Variants in KLK11 observed in about 807,000 individuals in gnomAD.
KLK11 encodes the protein kallikrein related peptidase 11.
A neutral mutation model predicts 23.4 loss-of-function variants in KLK11; 10 were observed. That is an observed-to-expected ratio of 0.43 (90% CI 0.26 to 0.73). The LOEUF (loss-of-function observed/expected upper bound fraction) is 0.73. KLK11 is among the 30% of genes least tolerant of loss of function. The pLI is 0.22. For synonymous variants in KLK11, 131 were observed against 131.7 expected, an observed-to-expected ratio of 0.99 and a Z score of 0.03; for missense variants, 285 against 327.8, an observed-to-expected ratio of 0.87 and a Z score of 1.01.
Position 51,025,678 on chromosome 19 carries a change from G to C in KLK11, c.-35-12C>G. 1 of 1,488,902 alleles carries C rather than the reference G, an allele frequency of 6.7e-7. No homozygotes were observed. The highest frequency in any genetic ancestry group is 9.1e-7 in the Non-Finnish European group (1 of 1,095,790). The allele number at this position is 1,488,902 out of a possible 1,614,324, so 92.2% of individuals were successfully genotyped here. On this transcript the variant is annotated splice_polypyrimidine_tract_variant and intron_variant, in intron 1 of 5. Coordinates refer to ENST00000453757, the MANE Select transcript of KLK11 (RefSeq NM_001136032.3). This position sits in a 1 kb window ranked among gnomAD's most constrained non-coding sequence, Gnocchi z 6.2. The stretch of plus-strand genomic sequence containing the variant: ...GGCCCCAGGTTCCTCTGGGAACAAG[G>C]AGGGACATGGGGCCGCATCACTTTA...
intron 1 of KLK11, among the ~76,000 whole-genome samples, chr19:51,026,308 G>C (rs182003984): frequency 6.6e-6 from 1 of 151,936 alleles, no homozygotes; most frequent in Non-Finnish European, 1.5e-5. Flanking sequence ...CCTGGCCAGC[G>C]GGGGTGGGAG....
chr19:51,024,175 G>C lies in KLK11; in HGVS notation c.333C>G (p.Ile111Met). ...CTGGCGATGCCATCTTCACCAGCAT[G>C]ATGTCATTGCGGTGGTCTTTGTTGG... ...SLPNKDHRND[I>M]MLVKMASPVS... The change falls in exon 4 of 6, where the codon ATC (isoleucine) becomes ATG (methionine). Residue 111 changes from isoleucine to methionine, a missense_variant. Ile to Met is a conservative substitution (Grantham distance 10). Coordinates refer to ENST00000453757, the MANE Select transcript of KLK11 (RefSeq NM_001136032.3). The surrounding 1 kb of genome is among the most constrained non-coding windows in gnomAD (Gnocchi z 6.2). The C allele has an allele frequency of 6.2e-7, 1 of 1,614,050 alleles. No individual in the cohort carries two copies. Among genetic ancestry groups the C allele is most frequent in the Non-Finnish European group, 8.5e-7 (1 of 1,179,974 alleles).
In KLK11 at chr19:51,025,616, A is replaced by T; in HGVS notation, c.16T>A (p.Leu6Ile). 1 of 1,589,788 alleles carries T rather than the reference A, an allele frequency of 6.3e-7. No individual in the cohort carries two copies. The highest frequency in any genetic ancestry group is 8.6e-7 in the Non-Finnish European group (1 of 1,167,952). The change falls in exon 2 of 6, where the codon TTA (leucine) becomes ATA (isoleucine). Residue 6 changes from leucine (L) to isoleucine (I), a missense_variant. By Grantham distance (5) the Leu-to-Ile change is conservative. Transcript: ENST00000453757. This position sits in a 1 kb window ranked among gnomAD's most constrained non-coding sequence, Gnocchi z 6.2. ...CCTGTTGCCAGAGCAAGCAGGATTAACTGCAGAATCCTCATGGCCTGGAGG... is the reference window on the plus strand; with the variant it reads ...CCTGTTGCCAGAGCAAGCAGGATTATCTGCAGAATCCTCATGGCCTGGAGG... MRILQ[L>I]ILLALATGLV...
In KLK11 at chr19:51,023,242, G is replaced by C; in HGVS notation, c.464-14C>G. 6.2e-7 allele frequency: 1 copy of C among 1,610,056 alleles called. No homozygotes were observed. Among genetic ancestry groups the C allele is most frequent in the Non-Finnish European group, 8.5e-7 (1 of 1,178,926 alleles). ...GAGGCAGGCGTACTGTGGAAACAGC[G>C]TGAGGGGCTGTGGGAATGAGCCCCC... is the stretch of plus-strand genomic sequence containing the variant. On this transcript the variant is annotated splice_polypyrimidine_tract_variant and intron_variant, in intron 4 of 5. Transcript: ENST00000453757.
chr19:51,027,226 G>T (rs963166043), upstream of KLK11: 9 of 524,530 alleles, frequency 1.7e-5, no homozygotes, highest in African/African-American at 3.9e-5. Flanking sequence ...TGCAAGGAGA[G>T]GGGGGGTGTG....
rs149689317 is a variant in KLK11, at chr19:51,023,182, C to T, written c.510G>A (p.Glu170=). ...TLRCANITII[E]HQKCENAYPG... is the part of the protein sequence containing the mutation. ...GGTAGGCGTTCTCACACTTCTGGTG[C>T]TCAATGATGGTGATGTTGGCGCATC... The change falls in exon 5 of 6, where the codon GAG becomes GAA. Residue 170 remains glutamate, a synonymous_variant. Transcript: ENST00000453757. 2,213 of 1,613,622 alleles carry T rather than the reference C, an allele frequency of 1.4e-3. 2 individuals carry two copies. The highest frequency in any genetic ancestry group is 1.8e-3 in the Non-Finnish European group (2,106 of 1,179,934).
In KLK11 at chr19:51,024,300, C is replaced by T. The variant is rs1390730764; in HGVS notation, c.208G>A (p.Val70Ile). The T allele has an allele frequency of 6.2e-7, 1 of 1,613,822 alleles. No individual in the cohort carries two copies. Among genetic ancestry groups the T allele is most frequent in the South Asian group, 1.1e-5 (1 of 91,048 alleles). ...TGGAGGTTGTGCTGCCCCAGGTGAA[C>T]TATGTAGCGGCTGAGGTGGGAGAGA... ...AAHCLKPRYI[V>I]HLGQHNLQKE... The change falls in exon 4 of 6, where the codon GTT becomes ATT. Residue 70 changes from valine to isoleucine, a missense_variant. Transcript: ENST00000453757. The surrounding 1 kb of genome is among the most constrained non-coding windows in gnomAD (Gnocchi z 6.2).
At position 51,025,535 on chromosome 19, in the gene KLK11, A is replaced by T; in HGVS notation, c.40+57T>A. The T allele has an allele frequency of 8.5e-7, 1 of 1,176,036 alleles. No homozygotes were observed. Among genetic ancestry groups the T allele is most frequent in the Admixed American group, 2.4e-5 (1 of 41,274 alleles). 72.9% of individuals were successfully genotyped at this position (1,176,036 alleles called of 1,614,324 possible). A position where few individuals can be genotyped will look rare whatever the true frequency, so the allele number is the denominator to read the frequency against. ...TGTCACTGTCCAGACACAGAGGGTTAGGGGATCCCAGAGATTCAAGAGGGA... is the reference window on the plus strand; with the variant it reads ...TGTCACTGTCCAGACACAGAGGGTTTGGGGATCCCAGAGATTCAAGAGGGA... On this transcript the variant is annotated intron_variant, in intron 2 of 5. Coordinates refer to ENST00000453757, the MANE Select transcript of KLK11 (RefSeq NM_001136032.3). The surrounding 1 kb of genome is among the most constrained non-coding windows in gnomAD (Gnocchi z 6.2).
intron 5 of KLK11, 126 bp downstream of exon 5, chr19:51,022,966 G>C: frequency 9.1e-7 from 1 of 1,097,970 alleles, no homozygotes; most frequent in Non-Finnish European, 1.3e-6. Context: ...ACGGGAACAG[G>C]GGAAGAGATG....
In KLK11 at chr19:51,024,943, G is replaced by T; in HGVS notation, c.41-149C>A. On this transcript the variant is annotated intron_variant, in intron 2 of 5. Transcript: ENST00000453757. The surrounding 1 kb of genome is among the most constrained non-coding windows in gnomAD (Gnocchi z 6.2). ...CCTCTGGGTTGCCCTGGATGCTGGG[G>T]TCGGGTATTAAAGGATGAAAATACT... is the stretch of plus-strand genomic sequence containing the variant. The T allele has an allele frequency of 6.0e-6, 4 of 671,312 alleles. No homozygotes were observed. The highest frequency in any genetic ancestry group is 4.7e-5 in the South Asian group (2 of 42,244). 41.6% of individuals were successfully genotyped at this position (671,312 alleles called of 1,614,324 possible). A position where few individuals can be genotyped will look rare whatever the true frequency, so the allele number is the denominator to read the frequency against.
upstream of KLK11, chr19:51,027,370 TC>T: frequency 7.4e-7 from 1 of 1,357,796 alleles, no homozygotes; most frequent in East Asian, 2.3e-5. Context: ...ACCCCAGGGC[TC>T]CTCTGGGGCC....
chr19:51,027,673 C>G, upstream of KLK11: 4 of 732,914 alleles, frequency 5.5e-6, no homozygotes, highest in South Asian at 3.5e-5. Context: ...GGCCTCAAAC[C>G]TAGGTGCTTC....
rs2091451392 is a variant in KLK11, at chr19:51,024,530, A to G, written c.197+108T>C. ...CCCATCAACCTTGCTGACACTACCC[A>G]TCCCCATCTCTAATCCCCTTACCAG... On this transcript the variant is annotated intron_variant, in intron 3 of 5. Coordinates refer to ENST00000453757, the MANE Select transcript of KLK11 (RefSeq NM_001136032.3). The surrounding 1 kb of genome is among the most constrained non-coding windows in gnomAD (Gnocchi z 6.2). The G allele has an allele frequency of 8.1e-7, 1 of 1,229,000 alleles. No individual in the cohort carries two copies. The highest frequency in any genetic ancestry group is 1.1e-6 in the Non-Finnish European group (1 of 935,856). 76.1% of individuals were successfully genotyped at this position (1,229,000 alleles called of 1,614,324 possible). A position where few individuals can be genotyped will look rare whatever the true frequency, so the allele number is the denominator to read the frequency against.
rs199597834 is a variant in KLK11, at chr19:51,025,693, G to T, written c.-35-27C>A. 11 of 1,285,754 alleles carry T rather than the reference G, an allele frequency of 8.6e-6. No individual in the cohort carries two copies. The African/African-American group carries it at 1.5e-4, about 18-fold the overall frequency. The allele number at this position is 1,285,754 out of a possible 1,614,324, so 79.6% of individuals were successfully genotyped here. On this transcript the variant is annotated intron_variant, in intron 1 of 5. Coordinates refer to ENST00000453757, the MANE Select transcript of KLK11 (RefSeq NM_001136032.3). The surrounding 1 kb of genome is among the most constrained non-coding windows in gnomAD (Gnocchi z 6.2). ...TGGGAACAAGGAGGGACATGGGGCC[G>T]CATCACTTTACGGGGAAATCGGGAG...
chr19:51,024,360 G>C lies in KLK11; in HGVS notation c.198-50C>G. 1 of 1,592,228 alleles carries C rather than the reference G, an allele frequency of 6.3e-7. No individual in the cohort carries two copies. The highest frequency in any genetic ancestry group is 8.5e-7 in the Non-Finnish European group (1 of 1,170,464). On this transcript the variant is annotated intron_variant, in intron 3 of 5. Coordinates refer to ENST00000453757, the MANE Select transcript of KLK11 (RefSeq NM_001136032.3). This position sits in a 1 kb window ranked among gnomAD's most constrained non-coding sequence, Gnocchi z 6.2. The stretch of plus-strand genomic sequence containing the variant: ...GAGGAGGAAAGGTCGGGGGAGACAT[G>C]GGTGGGAGAGGTGAGTGACACCTTT...
rs1369732215 is a variant in KLK11 at position 51,024,014 on chromosome 19, C to T, written c.463+31G>A. The T allele has an allele frequency of 2.7e-6, 4 of 1,482,540 alleles. No homozygotes were observed. The highest frequency in any genetic ancestry group is 1.4e-5 in the African/African-American group (1 of 71,958). 91.8% of individuals were successfully genotyped at this position (1,482,540 alleles called of 1,614,324 possible). On this transcript the variant is annotated intron_variant, in intron 4 of 5. Transcript: ENST00000453757. The surrounding 1 kb of genome is among the most constrained non-coding windows in gnomAD (Gnocchi z 6.2). ...ATCCTGACCACTCCCTCCTCACCAC[C>T]CCCTGCCAGGTTCCCCTCTGGTGCT...
intron 4 of KLK11, chr19:51,023,445 C>T (rs925801530): frequency 3.5e-5 from 17 of 480,764 alleles, no homozygotes; most frequent in South Asian, 1.1e-4. Context: ...AGTGCAGTGG[C>T]GTGATCTTGG....
chr19:51,025,698 A>C lies in KLK11; in HGVS notation c.-35-32T>G. Reference sequence around the variant, plus strand: ...ACAAGGAGGGACATGGGGCCGCATCACTTTACGGGGAAATCGGGAGGGGGG... The same window carrying C: ...ACAAGGAGGGACATGGGGCCGCATCCCTTTACGGGGAAATCGGGAGGGGGG... On this transcript the variant is annotated intron_variant, in intron 1 of 5. Coordinates refer to ENST00000453757, the MANE Select transcript of KLK11 (RefSeq NM_001136032.3). The surrounding 1 kb of genome is among the most constrained non-coding windows in gnomAD (Gnocchi z 6.2). 3 of 1,152,138 alleles carry C rather than the reference A, an allele frequency of 2.6e-6. No individual in the cohort carries two copies. Among genetic ancestry groups the C allele is most frequent in the African/African-American group, 1.6e-5 (1 of 63,190 alleles). The allele number at this position is 1,152,138 out of a possible 1,614,324, so 71.4% of individuals were successfully genotyped here.
upstream of KLK11, chr19:51,026,636 AC>A (rs1362949906): frequency 1.0e-6 from 1 of 985,538 alleles, no homozygotes; most frequent in Non-Finnish European, 1.2e-6. Flanking sequence ...GGTGCCAGGC[AC>A]CAGGCAGGCG....
Sources: allele counts gnomAD v4.1 joint callset (sites outside exome capture counted in the v4.1 genomes callset), GRCh38; gene constraint gnomAD v4.1.1; non-coding constraint Gnocchi (gnomAD v3.1); transcripts MANE v1.5; gene names NCBI Gene and HGNC (gene_info 2026-07-23, HGNC 2026-07-21).